Variants in MAPRE2 observed in about 807,000 individuals in gnomAD.
MAPRE2 encodes microtubule-associated protein RP/EB family member 2.
MAPRE2 carries 13 observed loss-of-function variants against 43.2 expected under a neutral mutation model. The ratio of observed to expected loss-of-function variants is 0.30; its 90% confidence interval spans 0.20 to 0.48. MAPRE2 has a LOEUF of 0.48. MAPRE2 is among the 20% of genes least tolerant of loss of function. The pLI is 0.99. For synonymous variants in MAPRE2, 135 were observed against 148.8 expected (o/e 0.91, Z 0.68); for missense variants, 161 against 400.2 (o/e 0.40, Z 5.10).
intron 1 of MAPRE2, among the ~76,000 whole-genome samples, chr18:35,068,575 G>C (rs1344750963): frequency 6.6e-6 from 1 of 152,142 alleles, no homozygotes; most frequent in Non-Finnish European, 1.5e-5. Flanking sequence ...GAATATTAGG[G>C]AACTACTCAT....
chr18:35,020,558 A>G (rs1413659225), intron 2 of MAPRE2, among the ~76,000 whole-genome samples: 3 of 152,028 alleles, frequency 2.0e-5, no homozygotes, highest in Non-Finnish European at 4.4e-5. Flanking sequence ...TGTCAAAAAA[A>G]AAAAAAATGT....
chr18:35,003,071 C>A (rs1415519943), intron 1 of MAPRE2, among the ~76,000 whole-genome samples: 1 of 152,088 alleles, frequency 6.6e-6, no homozygotes, highest in Non-Finnish European at 1.5e-5. Context: ...TTCGTTTTTA[C>A]GTAAAGTGTG....
At chr18:35,103,964 G>A (rs1421756579) in intron 4 of MAPRE2, among the ~76,000 whole-genome samples, 1 of 152,152 alleles carries the variant, frequency 6.6e-6, no homozygotes, top group East Asian at 1.9e-4. Flanking sequence ...GCCATAATGG[G>A]TGAGCCTATA....
intron 1 of MAPRE2, among the ~76,000 whole-genome samples, chr18:35,054,519 C>T (rs1250276488): frequency 6.6e-6 from 1 of 152,180 alleles, no homozygotes; most frequent in Non-Finnish European, 1.5e-5. Flanking sequence ...TCAGATGATT[C>T]TCTCTGTTCT....
At chr18:35,034,307 C>T (rs1232612227) in intron 2 of MAPRE2, among the ~76,000 whole-genome samples, 1 of 152,168 alleles carries the variant, frequency 6.6e-6, no homozygotes, top group East Asian at 1.9e-4. Flanking sequence ...ACTGGCTAGC[C>T]ATCCTATGTA....
chr18:35,117,635 T>C (rs936203107), intron 4 of MAPRE2, among the ~76,000 whole-genome samples: 3 of 152,186 alleles, frequency 2.0e-5, no homozygotes, highest in Admixed American at 2.0e-4. Flanking sequence ...CTTCCCCTGT[T>C]ACTGCAGTAA....
intron 4 of MAPRE2, among the ~76,000 whole-genome samples, chr18:35,117,806 C>A (rs888258071): frequency 6.6e-6 from 1 of 152,070 alleles, no homozygotes; most frequent in Non-Finnish European, 1.5e-5. Context: ...TTTTAAAGGA[C>A]ACTTAATATT....
intron 1 of MAPRE2, among the ~76,000 whole-genome samples, chr18:35,065,355 A>G (rs1906784255): frequency 6.6e-6 from 1 of 151,966 alleles, no homozygotes; most frequent in Non-Finnish European, 1.5e-5. Context: ...TCTAATATTC[A>G]TGTAAAAAGT....
chr18:35,011,412 G>T lies in MAPRE2; in HGVS notation c.-8+5859G>T, dbSNP rs553214095. 3.3e-5 allele frequency among the ~76,000 whole-genome samples: 5 copies of T among 152,344 alleles called. No homozygotes were observed. The South Asian group carries it at 1.0e-3, about 32-fold the overall frequency. On this transcript the variant is annotated intron_variant, in intron 2 of 7. Transcript: ENST00000413393. ...AAGCATTTGGCATATTAATGAAATT[G>T]AAAGAAGTTAAGTAATGAGCTGCAG... is the stretch of plus-strand genomic sequence containing the variant.
intron 5 of MAPRE2, among the ~76,000 whole-genome samples, chr18:35,130,318 CA>C (rs1262609398): frequency 5.3e-5 from 8 of 152,026 alleles, no homozygotes; most frequent in Non-Finnish European, 1.5e-5. Flanking sequence ...TGGTCACCTT[CA>C]GTTTTTTTGT....
intron 2 of MAPRE2, among the ~76,000 whole-genome samples, chr18:35,084,696 T>C (rs1307449710): frequency 6.6e-6 from 1 of 152,264 alleles, no homozygotes; most frequent in Non-Finnish European, 1.5e-5. Flanking sequence ...ATCTTCCTGC[T>C]GGCTATTACT....
At chr18:34,979,320 T>C (rs1318213029) in intron 1 of MAPRE2, among the ~76,000 whole-genome samples, 1 of 152,178 alleles carries the variant, frequency 6.6e-6, no homozygotes. Context: ...AGCAGAAACA[T>C]ACTCCAGCAG....
intron 1 of MAPRE2, among the ~76,000 whole-genome samples, chr18:34,991,482 C>T (rs951878715): frequency 6.6e-6 from 1 of 152,182 alleles, no homozygotes; most frequent in African/African-American, 2.4e-5. Context: ...TTACCCACAG[C>T]TCTCACAATT....
chr18:35,095,987 A>G (rs750180696), intron 2 of MAPRE2, among the ~76,000 whole-genome samples: 1 of 152,140 alleles, frequency 6.6e-6, no homozygotes, highest in Non-Finnish European at 1.5e-5. Flanking sequence ...GTTATGGCCT[A>G]TGTTTTATCA....
At chr18:35,013,883 A>G (rs974071329) in intron 2 of MAPRE2, among the ~76,000 whole-genome samples, 2 of 152,202 alleles carry the variant, frequency 1.3e-5, no homozygotes, top group East Asian at 3.9e-4. Flanking sequence ...CATTGTGTGT[A>G]TATACTACAT....
At chr18:35,058,474 G>A (rs1438401668) in intron 1 of MAPRE2, among the ~76,000 whole-genome samples, 8 of 151,966 alleles carry the variant, frequency 5.3e-5, no homozygotes, top group Admixed American at 4.6e-4. Flanking sequence ...TCTTTCATTA[G>A]CTTTGAAAAA....
intron 4 of MAPRE2, among the ~76,000 whole-genome samples, chr18:35,110,378 G>T (rs112401755): frequency 1.3e-5 from 2 of 152,040 alleles, no homozygotes; most frequent in Non-Finnish European, 2.9e-5. Flanking sequence ...TATGTTTTGC[G>T]TATGTTAAAG....
intron 2 of MAPRE2, among the ~76,000 whole-genome samples, chr18:35,096,283 A>G (rs1481964421): frequency 6.6e-6 from 1 of 152,164 alleles, no homozygotes; most frequent in African/African-American, 2.4e-5. Flanking sequence ...AGACCAAGAG[A>G]TCTGGAGATA....
Position 35,049,628 on chromosome 18 carries a change from C to G in MAPRE2, c.122+7967C>G, listed in dbSNP as rs140170291. Among the ~76,000 whole-genome samples, 731 of 152,228 alleles carry G rather than the reference C, an allele frequency of 4.8e-3. 3 individuals are homozygous for G. The highest frequency in any genetic ancestry group is 0.016 in the African/African-American group (665 of 41,522). On this transcript the variant is annotated intron_variant, in intron 1 of 6. Coordinates refer to ENST00000300249, the MANE Select transcript of MAPRE2 (RefSeq NM_014268.4). ...ATGTGAGATGGAGAGGTTCCCACACCTGACCCCAGAGTATACACAGGGTGT... is the reference window on the plus strand; with the variant it reads ...ATGTGAGATGGAGAGGTTCCCACACGTGACCCCAGAGTATACACAGGGTGT...
Sources: allele counts gnomAD v4.1 joint callset (sites outside exome capture counted in the v4.1 genomes callset), GRCh38; gene constraint gnomAD v4.1.1; transcripts MANE v1.5; gene names NCBI Gene and HGNC (gene_info 2026-07-23, HGNC 2026-07-21).